Variants in PCDH15 observed in about 807,000 individuals in gnomAD.
PCDH15 encodes the protein protocadherin related 15, also known as protocadherin-15.
PCDH15 carries 129 observed loss-of-function variants against 178.5 expected under a neutral mutation model. The ratio of observed to expected loss-of-function variants is 0.72; its 90% CI spans 0.63 to 0.84. The LOEUF is 0.84. PCDH15 is among the 40% of genes least tolerant of loss of function. PCDH15 has a pLI of 0.00. For missense variants in PCDH15, 2,230 were observed against 2,099.9 expected, an observed-to-expected ratio of 1.06 and a Z score of -1.21; for synonymous variants, 800 against 732.0, an observed-to-expected ratio of 1.09 and a Z score of -1.50.
At chr10:54,272,036 A>ATT (rs35061777) in intron 8 of PCDH15, among the ~76,000 whole-genome samples, 5 of 140,034 alleles carry the variant, frequency 3.6e-5, no homozygotes, top group African/African-American at 1.0e-4. Context: ...TATATAATAT[A>ATT]TTATATATAT....
chr10:55,159,394 C>T (rs1336313275), intron 2 of PCDH15, among the ~76,000 whole-genome samples: 2 of 117,488 alleles, frequency 1.7e-5, no homozygotes, highest in East Asian at 5.1e-4. Flanking sequence ...TATATACACA[C>T]ATACACATTA....
At chr10:55,172,295 C>A (rs1316071657) in intron 1 of PCDH15, among the ~76,000 whole-genome samples, 1 of 151,702 alleles carries the variant, frequency 6.6e-6, no homozygotes, top group East Asian at 1.9e-4. Flanking sequence ...AACGTAAGTA[C>A]TCCTCTAATT....
intron 3 of PCDH15, among the ~76,000 whole-genome samples, chr10:54,807,110 T>A (rs2133724100): frequency 6.6e-6 from 1 of 152,332 alleles, no homozygotes; most frequent in South Asian, 2.1e-4. Context: ...CATCTTAGAA[T>A]TCTGTCTGCT....
chr10:54,906,305 T>A (rs1276491875), intron 2 of PCDH15, among the ~76,000 whole-genome samples: 1 of 152,174 alleles, frequency 6.6e-6, no homozygotes, highest in African/African-American at 2.4e-5. Context: ...TACAACAGTC[T>A]TTAAAATACA....
intron 3 of PCDH15, among the ~76,000 whole-genome samples, chr10:54,453,421 G>A (rs1303861824): frequency 2.6e-5 from 4 of 151,828 alleles, no homozygotes; most frequent in Non-Finnish European, 2.9e-5. Context: ...ACCAAACACC[G>A]CATGTTCTCA....
intron 2 of PCDH15, among the ~76,000 whole-genome samples, chr10:55,549,074 T>C (rs958010335): frequency 1.3e-5 from 2 of 152,146 alleles, no homozygotes; most frequent in African/African-American, 2.4e-5. Context: ...CATCTTGTTT[T>C]CATTTTAAAA....
intron 3 of PCDH15, among the ~76,000 whole-genome samples, chr10:54,887,255 C>A (rs66462844): frequency 0.23 from 34,271 of 152,056 alleles, 4,554 homozygotes; most frequent in Non-Finnish European, 0.31. Context: ...TTTAGAGCAC[C>A]TCACATCAAC....
intron 3 of PCDH15, among the ~76,000 whole-genome samples, chr10:54,425,730 C>T (rs985585649): frequency 1.3e-5 from 2 of 152,100 alleles, no homozygotes; most frequent in African/African-American, 4.8e-5. Context: ...AGAGTTTAAA[C>T]CAAGTCCTAT....
intron 11 of PCDH15, among the ~76,000 whole-genome samples, chr10:54,189,918 C>CGTGT (rs1564637171): frequency 1.8e-4 from 15 of 82,024 alleles, no homozygotes; most frequent in South Asian, 1.0e-3. Flanking sequence ...TGTATACATG[C>CGTGT]ATGTGTATGT....
At chr10:54,544,768 G>A (rs2085661008) in intron 2 of PCDH15, among the ~76,000 whole-genome samples, 1 of 152,042 alleles carries the variant, frequency 6.6e-6, no homozygotes, top group Admixed American at 6.6e-5. Context: ...TTCAAAAAGA[G>A]GGTAAAACTA....
At chr10:54,053,928 G>A (rs192485420) in intron 18 of PCDH15, among the ~76,000 whole-genome samples, 80 of 152,210 alleles carry the variant, frequency 5.3e-4, no homozygotes, top group Non-Finnish European at 8.8e-4. Flanking sequence ...TGTTATGAGA[G>A]AGAGAATGTG....
At chr10:55,617,684 AC>A (rs1289419923) in intron 2 of PCDH15, among the ~76,000 whole-genome samples, 1 of 151,940 alleles carries the variant, frequency 6.6e-6, no homozygotes, top group Admixed American at 6.6e-5. Flanking sequence ...CTTCTTCAGT[AC>A]TCTTTCTTTT....
chr10:54,490,818 G>T (rs1489124462), intron 3 of PCDH15, among the ~76,000 whole-genome samples: 1 of 152,086 alleles, frequency 6.6e-6, no homozygotes, highest in East Asian at 1.9e-4. Flanking sequence ...AAATGATTTT[G>T]TGAAGATATA....
chr10:54,743,219 A>G (rs935014017), intron 1 of PCDH15, among the ~76,000 whole-genome samples: 9 of 152,074 alleles, frequency 5.9e-5, no homozygotes, highest in African/African-American at 1.9e-4. Context: ...TTAAGTTCTT[A>G]TATATAATAA....
At chr10:54,177,118 T>C (rs1380322529) in intron 13 of PCDH15, among the ~76,000 whole-genome samples, 1 of 152,166 alleles carries the variant, frequency 6.6e-6, no homozygotes, top group African/African-American at 2.4e-5. Flanking sequence ...GGCTATTATG[T>C]CATGAAAAGA....
At chr10:55,616,857 G>C (rs1037199264) in intron 2 of PCDH15, among the ~76,000 whole-genome samples, 9 of 152,032 alleles carry the variant, frequency 5.9e-5, no homozygotes, top group Non-Finnish European at 4.4e-5. Flanking sequence ...GTGTTGCCTA[G>C]ATAACTAGTA....
At chr10:55,386,946 T>C (rs1335535789) in intron 2 of PCDH15, among the ~76,000 whole-genome samples, 1 of 152,084 alleles carries the variant, frequency 6.6e-6, no homozygotes, top group East Asian at 1.9e-4. Flanking sequence ...AAGAGAAACA[T>C]GGCTGGCTGT....
At chr10:54,686,273 T>C (rs1333275871) in intron 1 of PCDH15, among the ~76,000 whole-genome samples, 1 of 152,020 alleles carries the variant, frequency 6.6e-6, no homozygotes, top group South Asian at 2.1e-4. Context: ...TAGATTATTT[T>C]CTAGAAAAGA....
intron 21 of PCDH15, among the ~76,000 whole-genome samples, chr10:53,969,188 G>T (rs7478492): frequency 0.7 from 106,650 of 151,528 alleles, 37,901 homozygotes; most frequent in East Asian, 0.87. Flanking sequence ...TGAAAACCAT[G>T]GCACGAGAAC....
Sources: gnomAD v4.1 joint callset for allele counts (sites outside exome capture counted in the v4.1 genomes callset) on GRCh38, gnomAD v4.1.1 for gene constraint, MANE v1.5 for transcripts, NCBI Gene and HGNC (gene_info 2026-07-23, HGNC 2026-07-21) for gene names.